ZZEF1: variants seen among roughly 807,000 people sequenced by gnomAD.
The protein encoded by ZZEF1 is zinc finger ZZ-type and EF-hand domain containing 1, also known as zinc finger ZZ-type and EF-hand domain-containing protein 1.
ZZEF1 carries 157 observed loss-of-function variants against 342.8 expected under a neutral mutation model. The ratio of observed to expected loss-of-function variants is 0.46; its 90% CI spans 0.40 to 0.52. ZZEF1 has a LOEUF of 0.52. ZZEF1 is among the 20% of genes least tolerant of loss of function. The pLI, the probability that ZZEF1 is intolerant of heterozygous loss-of-function variation, is 0.00. For missense variants in ZZEF1, 3,480 were observed against 3,725.6 expected, an observed-to-expected ratio of 0.93 and a Z score of 1.72; for synonymous variants, 1,505 against 1,429.1, an observed-to-expected ratio of 1.05 and a Z score of -1.20.
At chr17:4,071,135 A>T (rs1449722550) in intron 25 of ZZEF1, among the ~76,000 whole-genome samples, 2 of 152,384 alleles carry the variant, frequency 1.3e-5, no homozygotes, top group East Asian at 3.8e-4. Context: ...GCATTCCCGT[A>T]AAGCAAAAGA....
Position 4,016,608 on chromosome 17 carries a change from A to C in ZZEF1, c.8002-142T>G. 1 of 845,380 alleles carries C rather than the reference A, an allele frequency of 1.2e-6. No individual in the cohort carries two copies. The highest frequency in any genetic ancestry group is 2.8e-5 in the East Asian group (1 of 36,252). 52.4% of individuals were successfully genotyped at this position (845,380 alleles called of 1,614,324 possible). On this transcript the variant is annotated intron_variant, in intron 48 of 54. Coordinates refer to ENST00000381638, the MANE Select transcript of ZZEF1 (RefSeq NM_015113.4). This position sits in a 1 kb window ranked among gnomAD's most constrained non-coding sequence, Gnocchi z 4.4. The stretch of plus-strand genomic sequence containing the variant: ...AGCCTCTGTGACTCCACCACCCAAA[A>C]CCAACTCCACCAGCCACCTCTCACT...
chr17:4,027,057 A>C (rs954486814), intron 42 of ZZEF1, among the ~76,000 whole-genome samples: 3 of 152,198 alleles, frequency 2.0e-5, no homozygotes, highest in African/African-American at 7.2e-5. Flanking sequence ...AGGAATGAAG[A>C]GCACTAGCAA....
intron 15 of ZZEF1, 85 bp downstream of exon 15, chr17:4,086,401 C>T (rs747888705): frequency 4.8e-5 from 69 of 1,429,070 alleles, no homozygotes; most frequent in Non-Finnish European, 5.7e-5. Context: ...CTCGCATCAT[C>T]GTAGGACAGC....
chr17:4,090,688 G>A (rs1453679086), intron 12 of ZZEF1, 31 bp downstream of exon 12: 1 of 1,535,474 alleles, frequency 6.5e-7, no homozygotes, highest in South Asian at 1.1e-5. Flanking sequence ...ATAAAAGGAG[G>A]GGAGTGGGCA....
intron 1 of ZZEF1, among the ~76,000 whole-genome samples, chr17:4,139,101 G>A (rs952434003): frequency 7.2e-6 from 1 of 138,194 alleles, no homozygotes; most frequent in East Asian, 2.0e-4. Flanking sequence ...GTAACACTTG[G>A]AAACTCTCAG....
In ZZEF1 at chr17:4,112,068, ATATATATATATATATATATATATATGTTT is replaced by A. The variant is rs1345995225; in HGVS notation, c.1066+512_1066+540del. 5.1e-3 allele frequency among the ~76,000 whole-genome samples: 243 copies of A among 47,688 alleles called. 5 individuals are homozygous for A. The highest frequency in any genetic ancestry group is 0.022 in the African/African-American group (196 of 8,994). 31.3% of individuals were successfully genotyped at this position (47,688 alleles called of 152,430 possible). Reference sequence around the variant, plus strand: ...TATATATATATATATATATATATATATATATATATATATATATATATATATGTTTTGTTTTGTTTTTAATGAAAAAAATG... The same window carrying A: ...TATATATATATATATATATATATATATGTTTTGTTTTTAATGAAAAAAATG... On this transcript the variant is annotated intron_variant, in intron 5 of 54. Coordinates refer to ENST00000381638, the MANE Select transcript of ZZEF1 (RefSeq NM_015113.4).
intron 37 of ZZEF1, among the ~76,000 whole-genome samples, chr17:4,047,378 C>A (rs888070252): frequency 1.3e-5 from 2 of 152,214 alleles, no homozygotes; most frequent in Non-Finnish European, 2.9e-5. Flanking sequence ...GGCACAGTGG[C>A]TCAGGCCTGT....
At chr17:4,049,563 C>T in intron 37 of ZZEF1, 145 bp downstream of exon 37, 1 of 902,162 alleles carries the variant, frequency 1.1e-6, no homozygotes, top group Non-Finnish European at 1.7e-6. Flanking sequence ...TAACAACATG[C>T]CCAAGGTTTG....
chr17:4,027,020 C>A (rs2056422575), intron 42 of ZZEF1, among the ~76,000 whole-genome samples: 1 of 152,100 alleles, frequency 6.6e-6, no homozygotes, highest in African/African-American at 2.4e-5. Flanking sequence ...TAAAAAAGAT[C>A]CCAGATGGAA....
chr17:4,021,466 G>C (rs1440422848), intron 44 of ZZEF1, 146 bp from the exon 45 acceptor site: 2 of 601,726 alleles, frequency 3.3e-6, no homozygotes, highest in Non-Finnish European at 5.4e-6. Flanking sequence ...AAACACGAAT[G>C]TATGTTTAAT....
chr17:4,051,777 C>T (rs1034768933), intron 35 of ZZEF1, among the ~76,000 whole-genome samples, 194 bp downstream of exon 35: 2 of 149,748 alleles, frequency 1.3e-5, no homozygotes, highest in African/African-American at 4.9e-5. Context: ...AAACTAAGCA[C>T]ACATTACAAA....
intron 34 of ZZEF1, 89 bp from the exon 35 acceptor site, chr17:4,052,225 G>T: frequency 7.5e-7 from 1 of 1,336,606 alleles, no homozygotes; most frequent in Non-Finnish European, 1.0e-6. Flanking sequence ...CAGCACCAGG[G>T]CCGTTCCCAA....
chr17:4,139,608 C>T (rs2058809856), intron 1 of ZZEF1, among the ~76,000 whole-genome samples: 1 of 152,226 alleles, frequency 6.6e-6, no homozygotes, highest in African/African-American at 2.4e-5. Flanking sequence ...TCTTAAAGCA[C>T]AGAATCAAAT....
At chr17:4,124,704 C>T (rs910262543) in intron 1 of ZZEF1, among the ~76,000 whole-genome samples, 9 of 151,824 alleles carry the variant, frequency 5.9e-5, no homozygotes, top group Admixed American at 5.9e-4. Flanking sequence ...GTGATCCGCC[C>T]ACCTCAGCCT....
intron 25 of ZZEF1, among the ~76,000 whole-genome samples, chr17:4,072,306 G>C (rs2057525251): frequency 6.6e-6 from 1 of 152,220 alleles, no homozygotes; most frequent in Admixed American, 6.5e-5. Flanking sequence ...TCTAAAGCTT[G>C]ACTCAGTAGG....
chr17:4,108,325 T>A (rs976506827), intron 6 of ZZEF1, among the ~76,000 whole-genome samples: 1 of 152,130 alleles, frequency 6.6e-6, no homozygotes, highest in Non-Finnish European at 1.5e-5. Flanking sequence ...AACCTCAATC[T>A]GATCACAATA....
chr17:4,047,824 CCA>C (rs933468313), intron 37 of ZZEF1, among the ~76,000 whole-genome samples: 18 of 147,638 alleles, frequency 1.2e-4, no homozygotes, highest in African/African-American at 4.5e-4. Context: ...GCCTGTAGTC[CCA>C]GTTACTTGAG....
chr17:4,083,003 T>G (rs2057752727), intron 16 of ZZEF1, among the ~76,000 whole-genome samples: 1 of 152,208 alleles, frequency 6.6e-6, no homozygotes, highest in Non-Finnish European at 1.5e-5. Flanking sequence ...CTTGAACTCC[T>G]GACCTCAGGT....
chr17:4,081,529 G>A (rs1407038203), intron 17 of ZZEF1, 39 bp from the exon 18 acceptor site: 4 of 1,517,708 alleles, frequency 2.6e-6, no homozygotes, highest in Admixed American at 1.7e-5. Flanking sequence ...CTGGCTTCAG[G>A]AGAAAGATTT....
Sources: allele counts gnomAD v4.1 joint callset (sites outside exome capture counted in the v4.1 genomes callset), GRCh38; gene constraint gnomAD v4.1.1; non-coding constraint Gnocchi (gnomAD v3.1); transcripts MANE v1.5; gene names NCBI Gene and HGNC (gene_info 2026-07-23, HGNC 2026-07-21).